PIP4K2A: variants seen among roughly 807,000 people sequenced by gnomAD.
The protein encoded by PIP4K2A is phosphatidylinositol 5-phosphate 4-kinase type-2 alpha.
PIP4K2A carries 14 observed loss-of-function variants against 42.9 expected under a neutral mutation model. That is an observed-to-expected ratio of 0.33 (90% confidence interval 0.22 to 0.51). The LOEUF (loss-of-function observed/expected upper bound fraction) is 0.51. Ranked by LOEUF, PIP4K2A falls within the 20% of genes least tolerant of loss-of-function variation. The pLI, the probability that PIP4K2A is intolerant of heterozygous loss-of-function variation, is 0.97. For synonymous variants in PIP4K2A, 192 were observed against 192.2 expected, an observed-to-expected ratio of 1.00 and a Z score of 0.01; for missense variants, 434 against 519.8, an observed-to-expected ratio of 0.83 and a Z score of 1.61.
chr10:22,655,377 T>G (rs1319222694), intron 1 of PIP4K2A, among the ~76,000 whole-genome samples: 1 of 152,198 alleles, frequency 6.6e-6, no homozygotes, highest in African/African-American at 2.4e-5. Flanking sequence ...TGGAGGTCTG[T>G]TTGTGACTGC....
intron 7 of PIP4K2A, among the ~76,000 whole-genome samples, chr10:22,548,813 A>G (rs1276111584): frequency 6.6e-6 from 1 of 152,002 alleles, no homozygotes; most frequent in Non-Finnish European, 1.5e-5. Context: ...TGGGAGGCTG[A>G]GGTGGGAGGA....
chr10:22,573,272 C>T (rs377273116), intron 5 of PIP4K2A, 39 bp downstream of exon 5: 3 of 1,578,960 alleles, frequency 1.9e-6, no homozygotes, highest in African/African-American at 2.7e-5. Flanking sequence ...GAAGAGTAAG[C>T]TTGAGTTACT....
chr10:22,679,468 A>G (rs1839621128), intron 1 of PIP4K2A, among the ~76,000 whole-genome samples: 2 of 152,240 alleles, frequency 1.3e-5, no homozygotes, highest in Non-Finnish European at 2.9e-5. Flanking sequence ...ATTGCTAGTA[A>G]GAATGTAAAA....
At chr10:22,540,745 G>A (rs1410005331) in intron 8 of PIP4K2A, among the ~76,000 whole-genome samples, 1 of 152,126 alleles carries the variant, frequency 6.6e-6, no homozygotes, top group Non-Finnish European at 1.5e-5. Context: ...AGTAGAGATG[G>A]GGTTTCTCCA....
rs180822422 is a variant in PIP4K2A, at chr10:22,563,007, G to A, written c.678+4844C>T. 5.4e-3 allele frequency among the ~76,000 whole-genome samples: 820 copies of A among 152,272 alleles called. 11 individuals are homozygous for A. Among genetic ancestry groups the A allele is most frequent in the African/African-American group, 0.018 (744 of 41,530 alleles). On this transcript the variant is annotated intron_variant, in intron 6 of 9. Transcript: ENST00000376573. ...TGAAGTGAGGAGGAGAAAAGGAAATGGTGGATGTTTCTTTGGCCATTTGCC... is the reference window on the plus strand; with the variant it reads ...TGAAGTGAGGAGGAGAAAAGGAAATAGTGGATGTTTCTTTGGCCATTTGCC...
intron 1 of PIP4K2A, among the ~76,000 whole-genome samples, chr10:22,627,955 T>G (rs371710316): frequency 6.6e-6 from 1 of 152,192 alleles, no homozygotes; most frequent in Non-Finnish European, 1.5e-5. Context: ...GGGGACTAGA[T>G]CTATTCATTT....
intron 1 of PIP4K2A, among the ~76,000 whole-genome samples, chr10:22,700,394 ACTTT>A (rs976975694): frequency 1.2e-4 from 18 of 152,222 alleles, no homozygotes; most frequent in Non-Finnish European, 2.4e-4. Context: ...TATAAACCCC[ACTTT>A]CTTTTCTTCT....
chr10:22,684,036 G>A (rs148804235), intron 1 of PIP4K2A, among the ~76,000 whole-genome samples: 14 of 152,192 alleles, frequency 9.2e-5, no homozygotes, highest in African/African-American at 3.4e-4. Flanking sequence ...CAAGAAGCCT[G>A]GAGCCCATTA....
At chr10:22,635,265 T>C (rs1356602200) in intron 1 of PIP4K2A, among the ~76,000 whole-genome samples, 2 of 152,212 alleles carry the variant, frequency 1.3e-5, no homozygotes. Context: ...TGAAATGTTA[T>C]GGCAGGTTCA....
At chr10:22,566,731 AT>A (rs1297625019) in intron 6 of PIP4K2A, among the ~76,000 whole-genome samples, 1 of 152,010 alleles carries the variant, frequency 6.6e-6, no homozygotes. Context: ...ACTAACTCCT[AT>A]TGATCCTTCA....
At chr10:22,549,777 C>G (rs1175567306) in intron 7 of PIP4K2A, among the ~76,000 whole-genome samples, 1 of 123,856 alleles carries the variant, frequency 8.1e-6, no homozygotes, top group Non-Finnish European at 1.6e-5. Context: ...GGAGGCAGAG[C>G]TTGCAGTGAG....
intron 6 of PIP4K2A, among the ~76,000 whole-genome samples, chr10:22,564,979 T>C (rs1836807225): frequency 6.6e-6 from 1 of 152,222 alleles, no homozygotes; most frequent in Non-Finnish European, 1.5e-5. Flanking sequence ...TTCATGAGGA[T>C]GGGGACTGTA....
intron 6 of PIP4K2A, among the ~76,000 whole-genome samples, chr10:22,558,270 C>A (rs1836601145): frequency 6.6e-6 from 1 of 152,150 alleles, no homozygotes; most frequent in Non-Finnish European, 1.5e-5. Context: ...AGAATAAAAC[C>A]CCTTTTGCCG....
chr10:22,657,968 T>G (rs569166281), intron 1 of PIP4K2A, among the ~76,000 whole-genome samples: 31 of 152,338 alleles, frequency 2.0e-4, no homozygotes, highest in Admixed American at 1.9e-3. Context: ...ACCTGTTTTT[T>G]TCAGGCTAGA....
chr10:22,627,630 A>AAAAAG (rs1346625282), intron 1 of PIP4K2A, among the ~76,000 whole-genome samples: 2 of 118,136 alleles, frequency 1.7e-5, no homozygotes, highest in Non-Finnish European at 3.6e-5. Context: ...AAAAAAAAAA[A>AAAAAG]AGATAAGGAA....
intron 4 of PIP4K2A, among the ~76,000 whole-genome samples, chr10:22,583,735 T>G (rs1463353005): frequency 6.6e-6 from 1 of 151,996 alleles, no homozygotes; most frequent in Non-Finnish European, 1.5e-5. Flanking sequence ...AAGCTAAGAG[T>G]TCAGTAAGAC....
At chr10:22,549,604 G>A (rs1275914207) in intron 7 of PIP4K2A, among the ~76,000 whole-genome samples, 1 of 151,848 alleles carries the variant, frequency 6.6e-6, no homozygotes, top group Admixed American at 6.6e-5. Context: ...CACTTTGGGA[G>A]GCAGAGGCGG....
chr10:22,609,237 C>T lies in PIP4K2A; in HGVS notation c.242+383G>A, dbSNP rs12252048. Among the ~76,000 whole-genome samples the T allele has an allele frequency of 6.7e-3, 1,026 of 152,242 alleles. 7 individuals carry two copies. The highest frequency in any genetic ancestry group is 0.023 in the African/African-American group (966 of 41,546). On this transcript the variant is annotated intron_variant, in intron 2 of 9. Coordinates refer to ENST00000376573, the MANE Select transcript of PIP4K2A (RefSeq NM_005028.5). ...TCTAATTGTGCCTTATGAAAATGTA[C>T]CTTGGGTCTTTATTGTTCTAAGATG...
chr10:22,654,198 G>T (rs1391515612), intron 1 of PIP4K2A, among the ~76,000 whole-genome samples: 1 of 152,086 alleles, frequency 6.6e-6, no homozygotes, highest in African/African-American at 2.4e-5. Context: ...AATTTTTCAG[G>T]AAAATTTAAT....
Sources: allele counts gnomAD v4.1 joint callset (sites outside exome capture counted in the v4.1 genomes callset), GRCh38; gene constraint gnomAD v4.1.1; transcripts MANE v1.5; gene names NCBI Gene and HGNC (gene_info 2026-07-23, HGNC 2026-07-21).